TLCD4: variants seen among roughly 807,000 people sequenced by gnomAD.
TLCD4 encodes TLC domain-containing protein 4.
TLCD4 carries 7 observed loss-of-function variants against 24.2 expected under a neutral mutation model. The observed-to-expected ratio is 0.29, with a 90% CI of 0.16 to 0.54. The LOEUF (loss-of-function observed/expected upper bound fraction) is 0.54, where lower values mean the gene tolerates loss of function less well. TLCD4 is among the 20% of genes least tolerant of loss of function. The probability of loss-of-function intolerance (pLI) is 0.95; values close to 1 mark genes in which losing one functional copy is unlikely to be tolerated. For synonymous variants in TLCD4, 103 were observed against 106.4 expected (o/e 0.97, Z 0.20); for missense variants, 259 against 313.9 (o/e 0.82, Z 1.32).
At chr1:95,148,378 T>C (rs752582153) in intron 2 of TLCD4, among the ~76,000 whole-genome samples, 4 of 152,220 alleles carry the variant, frequency 2.6e-5, no homozygotes, top group Non-Finnish European at 5.9e-5. Flanking sequence ...AGTTGCCATC[T>C]GGCTGCACAA....
intron 1 of TLCD4, among the ~76,000 whole-genome samples, chr1:95,133,041 TTGTC>T (rs1258432712): frequency 5.3e-5 from 8 of 152,126 alleles, no homozygotes; most frequent in African/African-American, 1.9e-4. Flanking sequence ...TTCTAGAACT[TTGTC>T]TGTAAAGGAG....
At chr1:95,109,911 G>T in the TLCD4 span, among the ~76,000 whole-genome samples, 5 of 47,350 alleles carry the variant, frequency 1.1e-4, no homozygotes, top group East Asian at 5.5e-4. Context: ...ATGTGTGTAT[G>T]CATATATATA....
chr1:95,158,476 C>T (rs1329311537), intron 5 of TLCD4, among the ~76,000 whole-genome samples: 1 of 150,724 alleles, frequency 6.6e-6, no homozygotes, highest in Non-Finnish European at 1.5e-5. Context: ...ATTCACCATC[C>T]CTGGCCTCTT....
intron 4 of TLCD4, 73 bp from the exon 5 acceptor site, chr1:95,151,252 A>G: frequency 6.8e-7 from 1 of 1,480,322 alleles, no homozygotes; most frequent in Non-Finnish European, 9.4e-7. Context: ...GGCAGGAGAA[A>G]GAGTTCAATA....
intron 1 of TLCD4, among the ~76,000 whole-genome samples, chr1:95,136,972 C>T (rs1281983135): frequency 6.6e-6 from 1 of 151,736 alleles, no homozygotes; most frequent in Non-Finnish European, 1.5e-5. Flanking sequence ...GGAGCCCATC[C>T]AGAGGGTGGC....
chr1:95,102,852 G>A, the TLCD4 span, among the ~76,000 whole-genome samples: 1 of 152,104 alleles, frequency 6.6e-6, no homozygotes, highest in Non-Finnish European at 1.5e-5. Flanking sequence ...CAAGGGCTAG[G>A]GGAATGCAGC....
At chr1:95,172,522 C>G (rs925882995) in intron 5 of TLCD4, among the ~76,000 whole-genome samples, 1 of 152,160 alleles carries the variant, frequency 6.6e-6, no homozygotes, top group Non-Finnish European at 1.5e-5. Context: ...TTCAATGCTC[C>G]TCTTGCCTGC....
chr1:95,171,917 G>C (rs1678243214), intron 5 of TLCD4, among the ~76,000 whole-genome samples: 1 of 152,078 alleles, frequency 6.6e-6, no homozygotes, highest in Non-Finnish European at 1.5e-5. Flanking sequence ...TTAAAATATG[G>C]TGGGCCCCTA....
chr1:95,123,272 A>C (rs955668929), intron 1 of TLCD4, among the ~76,000 whole-genome samples: 3 of 152,140 alleles, frequency 2.0e-5, no homozygotes, highest in Non-Finnish European at 4.4e-5. Flanking sequence ...TTCCCTTTTC[A>C]TATTTTTTAA....
intron 5 of TLCD4, among the ~76,000 whole-genome samples, chr1:95,162,643 T>C (rs372293734): frequency 2.0e-5 from 3 of 152,026 alleles, no homozygotes; most frequent in African/African-American, 7.2e-5. Flanking sequence ...TTAGTACTGG[T>C]TGTTCCTTTC....
intron 6 of TLCD4, among the ~76,000 whole-genome samples, chr1:95,174,846 GCTCA>G (rs1484270005): frequency 1.3e-5 from 2 of 152,094 alleles, no homozygotes; most frequent in Non-Finnish European, 1.5e-5. Context: ...CGCCATCTCT[GCTCA>G]CTGCAACCTC....
chr1:95,159,008 T>A (rs1439432910), intron 5 of TLCD4, among the ~76,000 whole-genome samples: 3 of 152,220 alleles, frequency 2.0e-5, no homozygotes, highest in Non-Finnish European at 4.4e-5. Context: ...ATTATAATCC[T>A]TTGGGTTTTG....
Position 95,142,925 on chromosome 1 carries a change from G to A in TLCD4, c.-11-966G>A, listed in dbSNP as rs185176806. ...AGATCTATCGCACCACTGCACTCTA[G>A]CCTGGGGGACACAGCAAGACTCCAT... On this transcript the variant is annotated intron_variant, in intron 1 of 6. Coordinates refer to ENST00000370203, the MANE Select transcript of TLCD4 (RefSeq NM_152487.3). Among the ~76,000 whole-genome samples the A allele has an allele frequency of 4.1e-5, 6 of 146,096 alleles. No individual in the cohort carries two copies. In the East Asian group the frequency reaches 1.3e-3, roughly 31 times the overall value.
At chr1:95,104,440 G>A in the TLCD4 span, among the ~76,000 whole-genome samples, 7 of 152,004 alleles carry the variant, frequency 4.6e-5, no homozygotes, top group South Asian at 2.1e-4. Flanking sequence ...CGAGGCGGGC[G>A]GATCAGGAGG....
At chr1:95,139,145 A>C (rs1677128667) in intron 1 of TLCD4, among the ~76,000 whole-genome samples, 1 of 146,528 alleles carries the variant, frequency 6.8e-6, no homozygotes. Context: ...ACTGCACTCC[A>C]GCCTGGATGA....
chr1:95,110,591 T>C, the TLCD4 span, among the ~76,000 whole-genome samples: 1 of 152,076 alleles, frequency 6.6e-6, no homozygotes, highest in South Asian at 2.1e-4. Flanking sequence ...AGGAGGACAT[T>C]CAATAAATGG....
chr1:95,185,271 G>A (rs1381214604), intron 6 of TLCD4, among the ~76,000 whole-genome samples: 3 of 152,080 alleles, frequency 2.0e-5, no homozygotes, highest in Non-Finnish European at 4.4e-5. Flanking sequence ...TTATAGAAGG[G>A]GAACTTGGTA....
chr1:95,159,942 T>C (rs1208506563), intron 5 of TLCD4, among the ~76,000 whole-genome samples: 2 of 152,250 alleles, frequency 1.3e-5, no homozygotes, highest in Admixed American at 6.5e-5. Flanking sequence ...GGTAGCATGA[T>C]GCCTCCAGCA....
chr1:95,180,471 T>G (rs1303778957), intron 6 of TLCD4, among the ~76,000 whole-genome samples: 2 of 152,176 alleles, frequency 1.3e-5, no homozygotes, highest in Non-Finnish European at 2.9e-5. Context: ...TTCCATAGTT[T>G]AGTTGTTTTC....
Sources: allele counts gnomAD v4.1 joint callset (sites outside exome capture counted in the v4.1 genomes callset), GRCh38; gene constraint gnomAD v4.1.1; transcripts MANE v1.5; gene names NCBI Gene and HGNC (gene_info 2026-07-23, HGNC 2026-07-21).